The following ADGRV1 variants were observed in gnomAD, a reference collection of about 807,000 sequenced individuals.
ADGRV1 encodes the protein G-protein coupled receptor 98.
In ADGRV1, 359 loss-of-function variants were observed where a neutral mutation model predicts 596.2. The ratio of observed to expected loss-of-function variants is 0.60; its 90% CI spans 0.55 to 0.66. The LOEUF is 0.66. ADGRV1 is among the 30% of genes least tolerant of loss of function. The pLI is 0.00. For synonymous variants in ADGRV1, 2,681 were observed against 2,679.2 expected (o/e 1.00, Z -0.02); for missense variants, 7,274 against 7,575.6 (o/e 0.96, Z 1.48).
Position 90,707,681 on chromosome 5 carries a change from A to G in ADGRV1, c.8731-1135A>G, listed in dbSNP as rs1037146907. 3.9e-5 allele frequency among the ~76,000 whole-genome samples: 6 copies of G among 152,312 alleles called. 1 individual carries two copies. Among genetic ancestry groups the G allele is most frequent in the Admixed American group, 2.6e-4 (4 of 15,298 alleles). On this transcript the variant is annotated intron_variant, in intron 38 of 89. Coordinates refer to ENST00000405460, the MANE Select transcript of ADGRV1 (RefSeq NM_032119.4). ...AATAACAATATAAATAAATGGATTG[A>G]TTATTCCTTAGATATGTTAGTTTTT...
intron 84 of ADGRV1, among the ~76,000 whole-genome samples, chr5:90,966,903 A>G (rs971933037): frequency 4.6e-5 from 7 of 152,114 alleles, no homozygotes; most frequent in African/African-American, 1.4e-4. Context: ...TGCATTTCTG[A>G]GTATGGATGT....
chr5:90,966,898 T>C (rs1184552574), intron 84 of ADGRV1, among the ~76,000 whole-genome samples: 1 of 152,160 alleles, frequency 6.6e-6, no homozygotes, highest in Non-Finnish European at 1.5e-5. Flanking sequence ...TCATATGCAT[T>C]TCTGAGTATG....
At chr5:90,865,355 G>C (rs964958455) in intron 83 of ADGRV1, among the ~76,000 whole-genome samples, 3 of 152,114 alleles carry the variant, frequency 2.0e-5, no homozygotes, top group Admixed American at 6.6e-5. Context: ...TTTTTTGGCA[G>C]CAGAATTTGT....
At chr5:90,851,134 T>TGTGTGAGAGAGAGAGA (rs757909771) in intron 79 of ADGRV1, among the ~76,000 whole-genome samples, 20 of 81,512 alleles carry the variant, frequency 2.5e-4, no homozygotes, top group Non-Finnish European at 4.5e-4. Context: ...TGTGTGTGTG[T>TGTGTGAGAGAGAGAGA]GAGAGAGAGA....
chr5:91,155,833 G>A (rs1201905470), intron 89 of ADGRV1, among the ~76,000 whole-genome samples: 2 of 152,164 alleles, frequency 1.3e-5, no homozygotes, highest in Non-Finnish European at 2.9e-5. Context: ...TCTTATGAAA[G>A]TATGAAGAAA....
In ADGRV1 at chr5:90,622,715, G is replaced by A; in HGVS notation, c.558+14G>A. ...GTGACTTTTGAGGTAAGTTTACTCTGAAGTCATTTTATTTTATTTATTTTT... is the reference window on the plus strand; with the variant it reads ...GTGACTTTTGAGGTAAGTTTACTCTAAAGTCATTTTATTTTATTTATTTTT... On this transcript the variant is annotated intron_variant, in intron 5 of 89. Coordinates refer to ENST00000405460, the MANE Select transcript of ADGRV1 (RefSeq NM_032119.4). 1 of 1,106,464 alleles carries A rather than the reference G, an allele frequency of 9.0e-7. No individual in the cohort carries two copies. Among genetic ancestry groups the A allele is most frequent in the Non-Finnish European group, 1.3e-6 (1 of 788,792 alleles). The allele number at this position is 1,106,464 out of a possible 1,614,324, so 68.5% of individuals were successfully genotyped here.
chr5:90,911,095 A>G (rs1772842761), intron 83 of ADGRV1, among the ~76,000 whole-genome samples: 1 of 152,196 alleles, frequency 6.6e-6, no homozygotes, highest in African/African-American at 2.4e-5. Context: ...TCCGTTCTAC[A>G]AATAAACCTG....
intron 50 of ADGRV1, among the ~76,000 whole-genome samples, chr5:90,733,365 T>C (rs1272083231): frequency 3.9e-5 from 6 of 152,298 alleles, no homozygotes; most frequent in Non-Finnish European, 8.8e-5. Flanking sequence ...TTAGTAGAGA[T>C]GTGGAACTAG....
At chr5:91,137,880 A>T (rs1794772857) in intron 87 of ADGRV1, among the ~76,000 whole-genome samples, 1 of 152,216 alleles carries the variant, frequency 6.6e-6, no homozygotes, top group African/African-American at 2.4e-5. Context: ...TGAACCAAAG[A>T]TGATTAAGAG....
chr5:90,559,803 A>G (rs1226590236), intron 1 of ADGRV1, among the ~76,000 whole-genome samples: 1 of 152,206 alleles, frequency 6.6e-6, no homozygotes, highest in Non-Finnish European at 1.5e-5. Flanking sequence ...TACTGAAGTT[A>G]TGATTACTTT....
chr5:90,803,846 C>A (rs112848119), intron 71 of ADGRV1, among the ~76,000 whole-genome samples: 4,447 of 151,846 alleles, frequency 0.029, 210 homozygotes, highest in African/African-American at 0.1. Flanking sequence ...AAAGATTCAG[C>A]AAAACCATTC....
At position 90,584,316 on chromosome 5, in the gene ADGRV1, G is replaced by A. The variant is rs546000773; in HGVS notation, c.22+25399G>A. ...TTCTTCTTCTAGAATCCCGAAGAAT[G>A]TTTAAATTTACCTTGAAGCTGCTAG... On this transcript the variant is annotated intron_variant, in intron 1 of 89. Transcript: ENST00000405460. Among the ~76,000 whole-genome samples, 117 of 152,260 alleles carry A rather than the reference G, an allele frequency of 7.7e-4. 2 individuals carry two copies. The South Asian group carries it at 0.023, about 30-fold the overall frequency.
intron 89 of ADGRV1, 104 bp downstream of exon 89, chr5:91,153,502 C>T: frequency 1.4e-6 from 1 of 711,904 alleles, no homozygotes; most frequent in Non-Finnish European, 2.2e-6. Flanking sequence ...TCACCCTTAG[C>T]ACATCCTGAT....
At chr5:91,025,518 C>T (rs902057354) in intron 85 of ADGRV1, among the ~76,000 whole-genome samples, 1 of 152,062 alleles carries the variant, frequency 6.6e-6, no homozygotes, top group African/African-American at 2.4e-5. Flanking sequence ...TAGAAAAGAT[C>T]ATTTTTTCTG....
chr5:90,711,104 A>G, intron 40 of ADGRV1, 45 bp downstream of exon 40: 1 of 1,574,122 alleles, frequency 6.4e-7, no homozygotes. Flanking sequence ...GTTTCATATT[A>G]TTTACTATCT....
At chr5:90,818,798 G>C (rs1438766301) in intron 75 of ADGRV1, among the ~76,000 whole-genome samples, 3 of 151,594 alleles carry the variant, frequency 2.0e-5, no homozygotes, top group African/African-American at 4.8e-5. Flanking sequence ...TTTTTGATGT[G>C]CTGCTGGATT....
chr5:91,025,107 C>T (rs1783919505), intron 85 of ADGRV1, among the ~76,000 whole-genome samples: 1 of 152,116 alleles, frequency 6.6e-6, no homozygotes, highest in Non-Finnish European at 1.5e-5. Flanking sequence ...CACAAAAGAC[C>T]TGCCACATAT....
intron 84 of ADGRV1, among the ~76,000 whole-genome samples, chr5:90,972,285 C>T (rs1277471552): frequency 6.6e-6 from 1 of 152,116 alleles, no homozygotes; most frequent in Non-Finnish European, 1.5e-5. Flanking sequence ...CAACATTAGA[C>T]AGATCAATGA....
chr5:91,061,600 G>A (rs1440404335), intron 85 of ADGRV1, among the ~76,000 whole-genome samples: 2 of 152,088 alleles, frequency 1.3e-5, no homozygotes, highest in African/African-American at 4.8e-5. Flanking sequence ...TCAAATACCT[G>A]CTCTTTTCGA....
Sources: gnomAD v4.1 joint callset for allele counts (sites outside exome capture counted in the v4.1 genomes callset) on GRCh38, gnomAD v4.1.1 for gene constraint, MANE v1.5 for transcripts, NCBI Gene and HGNC (gene_info 2026-07-23, HGNC 2026-07-21) for gene names.